Variants in ITPRID1 observed in about 807,000 individuals in gnomAD.
ITPRID1 encodes the protein ITPR interacting domain containing 1, also known as protein ITPRID1.
In ITPRID1, 96 loss-of-function variants were observed where a neutral mutation model predicts 95.4. That is an observed-to-expected ratio of 1.01 (90% confidence interval 0.85 to 1.19). The LOEUF is 1.19. ITPRID1 is among the 50% of genes most tolerant of loss of function. The pLI, the probability that ITPRID1 is intolerant of heterozygous loss-of-function variation, is 0.00. For synonymous variants in ITPRID1, 510 were observed against 453.6 expected (o/e 1.12, Z -1.58); for missense variants, 1,339 against 1,252.9 (o/e 1.07, Z -1.04).
chr7:31,564,890 C>A (rs961458131), intron 5 of ITPRID1, among the ~76,000 whole-genome samples: 1 of 152,122 alleles, frequency 6.6e-6, no homozygotes, highest in Non-Finnish European at 1.5e-5. Flanking sequence ...TCTAGCAACC[C>A]CAATCCCTGT....
chr7:31,529,589 C>G (rs1783528703), intron 1 of ITPRID1: 1 of 549,478 alleles, frequency 1.8e-6, no homozygotes, highest in Admixed American at 3.1e-5. Flanking sequence ...TGTCTTTACC[C>G]TCAACTTGAC....
Position 31,643,293 on chromosome 7 carries a change from G to A in ITPRID1, c.1923G>A (p.Gln641=). Residue 641 remains glutamine, a synonymous_variant, in exon 12 of 15, where the codon CAG becomes CAA. Transcript: ENST00000615280. ...HSLLVPESSS[Q]CIPKHSEITP... ...TACTCGTACCAGAAAGCTCATCACA[G>A]TGTATCCCCAAGCACAGTGAAATCA... 1 of 1,613,808 alleles carries A rather than the reference G, an allele frequency of 6.2e-7. No individual in the cohort carries two copies.
At chr7:31,519,533 A>C (rs1783149640) in intron 1 of ITPRID1, among the ~76,000 whole-genome samples, 1 of 149,698 alleles carries the variant, frequency 6.7e-6, no homozygotes, top group African/African-American at 2.5e-5. Flanking sequence ...TGTTCCATCT[A>C]TACATAGATA....
Position 31,652,659 on chromosome 7 carries a change from G to C in ITPRID1, c.2965G>C (p.Asp989His), listed in dbSNP as rs1288167171. The change falls in exon 15 of 15, where the codon GAT becomes CAT. Residue 989 changes from aspartate (D) to histidine (H), a missense_variant. Asp to His is a moderately conservative substitution (Grantham distance 81, BLOSUM62 -1). Coordinates refer to ENST00000615280, the MANE Select transcript of ITPRID1 (RefSeq NM_001257967.3). ...MAPRTVFPPD[D>H]GQEAPCSGGT... ...CCCGAGGACTGTGTTTCCTCCCGAT[G>C]ATGGCCAGGAGGCTCCCTGTTCAGG... 6.2e-7 allele frequency: 1 copy of C among 1,613,874 alleles called. No individual in the cohort carries two copies. The highest frequency in any genetic ancestry group is 1.3e-5 in the African/African-American group (1 of 75,038).
intron 12 of ITPRID1, among the ~76,000 whole-genome samples, chr7:31,645,139 A>G (rs1012250618): frequency 3.3e-5 from 5 of 152,214 alleles, no homozygotes; most frequent in African/African-American, 1.2e-4. Context: ...TTCAGATTCA[A>G]TTTGGGTAAC....
intron 10 of ITPRID1, among the ~76,000 whole-genome samples, chr7:31,616,594 T>A (rs1787253589): frequency 6.6e-6 from 1 of 152,182 alleles, no homozygotes; most frequent in Admixed American, 6.5e-5. Flanking sequence ...ATCTCATTGA[T>A]TCCACAGGCA....
intron 1 of ITPRID1, among the ~76,000 whole-genome samples, chr7:31,543,427 CTTGCT>C: frequency 6.6e-6 from 1 of 152,026 alleles, no homozygotes; most frequent in African/African-American, 2.4e-5. Flanking sequence ...ATACTCATAG[CTTGCT>C]TATGAGTATA....
At position 31,623,888 on chromosome 7, in the gene ITPRID1, A is replaced by T. The variant is rs200815658; in HGVS notation, c.1229-18288A>T. 8.5e-5 allele frequency among the ~76,000 whole-genome samples: 13 copies of T among 152,050 alleles called. No individual in the cohort carries two copies. In the East Asian group the frequency reaches 2.5e-3, roughly 29 times the overall value. On this transcript the variant is annotated intron_variant, in intron 10 of 14. Coordinates refer to ENST00000615280, the MANE Select transcript of ITPRID1 (RefSeq NM_001257967.3). ...TAGAAAACCCCATTGTCTCAGCCCAAAATCTCCTTAAGCTGATAAGCAACT... is the reference window on the plus strand; with the variant it reads ...TAGAAAACCCCATTGTCTCAGCCCATAATCTCCTTAAGCTGATAAGCAACT...
intron 1 of ITPRID1, among the ~76,000 whole-genome samples, chr7:31,526,622 T>C (rs978618319): frequency 6.6e-6 from 1 of 152,134 alleles, no homozygotes; most frequent in African/African-American, 2.4e-5. Flanking sequence ...TATACTTCCT[T>C]CTCCAATGCC....
In ITPRID1 at chr7:31,654,921, G is replaced by A. The variant is rs906422087; in HGVS notation, c.*2092G>A. Among the ~76,000 whole-genome samples the A allele has an allele frequency of 3.9e-5, 6 of 152,028 alleles. No individual in the cohort carries two copies. The highest frequency in any genetic ancestry group is 8.8e-5 in the Non-Finnish European group (6 of 68,000). On this transcript the variant is annotated 3_prime_UTR_variant, in exon 15 of 15. Coordinates refer to ENST00000615280, the MANE Select transcript of ITPRID1 (RefSeq NM_001257967.3). ...CTTTTTGGAAAGCCTTTGACTCAGC[G>A]GGGCCTTCCTACCCTTGGGACCACC...
intron 1 of ITPRID1, among the ~76,000 whole-genome samples, chr7:31,518,919 A>T (rs2128126212): frequency 6.6e-6 from 1 of 152,294 alleles, no homozygotes; most frequent in African/African-American, 2.4e-5. Context: ...GATGCAAAAG[A>T]AGTTGGGCAA....
At chr7:31,616,773 CA>C (rs1259316047) in intron 10 of ITPRID1, among the ~76,000 whole-genome samples, 7 of 150,346 alleles carry the variant, frequency 4.7e-5, no homozygotes, top group African/African-American at 7.5e-5. Context: ...AAGACAAAAC[CA>C]AAAAGGTTTC....
intron 10 of ITPRID1, among the ~76,000 whole-genome samples, chr7:31,596,083 G>A (rs990468302): frequency 6.6e-6 from 1 of 151,180 alleles, no homozygotes; most frequent in African/African-American, 2.4e-5. Flanking sequence ...TCTAAAATTT[G>A]TGTTATCAAA....
At position 31,631,145 on chromosome 7, in the gene ITPRID1, A is replaced by G. The variant is rs538115693; in HGVS notation, c.1229-11031A>G. Reference sequence around the variant, plus strand: ...GCTAAGCTCTTTTAACATTATAAGAAAATAATACTACCTAAGCCTTCCAAA... The same window carrying G: ...GCTAAGCTCTTTTAACATTATAAGAGAATAATACTACCTAAGCCTTCCAAA... On this transcript the variant is annotated intron_variant, in intron 10 of 14. Transcript: ENST00000615280. Among the ~76,000 whole-genome samples, 8 of 152,342 alleles carry G rather than the reference A, an allele frequency of 5.3e-5. No individual in the cohort carries two copies. The East Asian group carries it at 1.5e-3, about 29-fold the overall frequency.
rs1790992925 is a variant in ITPRID1 at position 31,651,928 on chromosome 7, T to C, written c.2712-11T>C. On this transcript the variant is annotated splice_polypyrimidine_tract_variant and intron_variant, in intron 13 of 14. Transcript: ENST00000615280. ...TGTTAAATTTGGTTATTTTCTATTA[T>C]TTACTTGCAGGGAGGAGGCCGAGCA... is the stretch of plus-strand genomic sequence containing the variant. 1 of 1,566,898 alleles carries C rather than the reference T, an allele frequency of 6.4e-7. No homozygotes were observed. Among genetic ancestry groups the C allele is most frequent in the African/African-American group, 1.4e-5 (1 of 73,910 alleles).
chr7:31,514,223 A>G (rs1414471161), intron 1 of ITPRID1, 103 bp downstream of exon 1: 2 of 152,084 alleles, frequency 1.3e-5, no homozygotes, highest in African/African-American at 4.8e-5. Flanking sequence ...TGTTTATCAA[A>G]AACTTTTGTA....
At chr7:31,526,108 G>A (rs1783413690) in intron 1 of ITPRID1, among the ~76,000 whole-genome samples, 1 of 152,178 alleles carries the variant, frequency 6.6e-6, no homozygotes, top group South Asian at 2.1e-4. Flanking sequence ...GCTTGGTTTG[G>A]TGAACATAAA....
chr7:31,598,847 A>G (rs1318428233), intron 10 of ITPRID1, among the ~76,000 whole-genome samples: 3 of 152,236 alleles, frequency 2.0e-5, no homozygotes, highest in Non-Finnish European at 4.4e-5. Context: ...AGGAGCAGAT[A>G]AGTTTAAATG....
intron 10 of ITPRID1, among the ~76,000 whole-genome samples, chr7:31,620,238 C>G (rs1029979371): frequency 6.6e-6 from 1 of 152,118 alleles, no homozygotes; most frequent in Non-Finnish European, 1.5e-5. Context: ...CCCTGTCTGA[C>G]AGCTTTGAAG....
Sources: gnomAD v4.1 joint callset for allele counts (sites outside exome capture counted in the v4.1 genomes callset) on GRCh38, gnomAD v4.1.1 for gene constraint, MANE v1.5 for transcripts, NCBI Gene and HGNC (gene_info 2026-07-23, HGNC 2026-07-21) for gene names.